NOTCH2NLB: variants seen among roughly 807,000 people sequenced by gnomAD.
The protein encoded by NOTCH2NLB is notch homolog 2 N-terminal-like protein B.
Under a neutral mutation model 14.8 loss-of-function variants are expected in NOTCH2NLB, and 1 was observed. The observed-to-expected ratio is 0.07, with a 90% CI of 0.02 to 0.32. NOTCH2NLB has a LOEUF of 0.32. Ranked by LOEUF, NOTCH2NLB falls within the 10% of genes least tolerant of loss-of-function variation. The pLI is 1.00. For missense variants in NOTCH2NLB, 11 were observed against 155.0 expected, an observed-to-expected ratio of 0.07 and a Z score of 4.93; for synonymous variants, 6 against 57.5, an observed-to-expected ratio of 0.10 and a Z score of 4.05.
chr1:148,602,268 AAAAAAAAAAAAAGAAAAG>A (rs1663389829), downstream of NOTCH2NLB, among the ~76,000 whole-genome samples: 1 of 66,368 alleles, frequency 1.5e-5, no homozygotes, highest in Non-Finnish European at 2.5e-5. Flanking sequence ...TCAAAAAAAA[AAAAAAAAAAAAAGAAAAG>A]AAAAGAAAAT....
chr1:148,673,445 T>C (rs1182500396), intron 1 of NOTCH2NLB, among the ~76,000 whole-genome samples: 1 of 71,170 alleles, frequency 1.4e-5, no homozygotes, highest in African/African-American at 4.7e-5. Flanking sequence ...TATGTGTTCA[T>C]GAGCTAATGA....
intron 3 of NOTCH2NLB, among the ~76,000 whole-genome samples, chr1:148,608,118 G>C: frequency 7.4e-6 from 1 of 136,012 alleles, no homozygotes. Flanking sequence ...GCCAGGAGCA[G>C]TGGCTCACAC....
At chr1:148,647,800 AG>A in intron 1 of NOTCH2NLB, among the ~76,000 whole-genome samples, 1 of 31,966 alleles carries the variant, frequency 3.1e-5, no homozygotes. Flanking sequence ...AAAAGCAATA[AG>A]AGATAAATCG....
At chr1:148,680,998 T>C (rs1361459487), upstream of NOTCH2NLB, among the ~76,000 whole-genome samples, 3 of 152,092 alleles carry the variant, frequency 2.0e-5, no homozygotes, top group East Asian at 5.8e-4. Context: ...CTGTCTCTGT[T>C]AGCAGTGAGA....
chr1:148,673,967 TAA>T, intron 1 of NOTCH2NLB, among the ~76,000 whole-genome samples: 1 of 88,880 alleles, frequency 1.1e-5, no homozygotes, highest in Admixed American at 1.1e-4. Flanking sequence ...ATTCTTATCA[TAA>T]GAGAGGTTAG....
intron 3 of NOTCH2NLB, among the ~76,000 whole-genome samples, chr1:148,610,229 AG>A (rs1663641206): frequency 1.6e-5 from 2 of 127,740 alleles, no homozygotes; most frequent in African/African-American, 6.5e-5. Context: ...TGGAGGTTGC[AG>A]TGAGCCGAGA....
the NOTCH2NLB span, among the ~76,000 whole-genome samples, chr1:148,689,564 G>GT: frequency 6.7e-5 from 10 of 148,158 alleles, no homozygotes; most frequent in Non-Finnish European, 1.1e-4. Flanking sequence ...GATTACAGGC[G>GT]TGAGCCACCA....
At chr1:148,670,475 C>A (rs1186000737) in intron 1 of NOTCH2NLB, among the ~76,000 whole-genome samples, 2 of 136,244 alleles carry the variant, frequency 1.5e-5, no homozygotes, top group East Asian at 4.4e-4. Flanking sequence ...CTAGTGTTGA[C>A]AATAGTATAT....
chr1:148,679,595 G>T, exon 1 of NOTCH2NLB: 1 of 1,087,706 alleles, frequency 9.2e-7, no homozygotes, highest in Admixed American at 4.3e-5. Flanking sequence ...AGGGGGTCCC[G>T]ATAGAGGAGC....
At chr1:148,693,088 G>GCCCC in the NOTCH2NLB span, among the ~76,000 whole-genome samples, 3 of 63,972 alleles carry the variant, frequency 4.7e-5, no homozygotes, top group Non-Finnish European at 2.7e-5. Flanking sequence ...GAAGAGAGCC[G>GCCCC]CCCCCCCCCC....
chr1:148,638,105 C>A (rs1404422507), intron 2 of NOTCH2NLB, among the ~76,000 whole-genome samples: 1 of 148,732 alleles, frequency 6.7e-6, no homozygotes, highest in East Asian at 1.9e-4. Context: ...TGGGTATATA[C>A]TCAGTAATGG....
At chr1:148,670,741 TA>T (rs1446166694) in intron 1 of NOTCH2NLB, among the ~76,000 whole-genome samples, 1 of 100,108 alleles carries the variant, frequency 1.0e-5, no homozygotes, top group African/African-American at 3.4e-5. Flanking sequence ...ATTACAAAAA[TA>T]AAAAAATCTT....
At chr1:148,683,544 T>TA (rs1361679357), upstream of NOTCH2NLB, among the ~76,000 whole-genome samples, 1 of 17,502 alleles carries the variant, frequency 5.7e-5, no homozygotes, top group Non-Finnish European at 1.3e-4. Context: ...TCCAAGATGA[T>TA]ATTTAGTGTG....
At chr1:148,621,631 C>CAAA (rs1663875893) in intron 2 of NOTCH2NLB, among the ~76,000 whole-genome samples, 3 of 122,794 alleles carry the variant, frequency 2.4e-5, no homozygotes, top group Admixed American at 2.3e-4. Context: ...TAAATTATGT[C>CAAA]TTAACTTTGA....
At chr1:148,607,498 C>A (rs1663541552) in exon 4 of NOTCH2NLB, 1 of 1,184,176 alleles carries the variant, frequency 8.4e-7, no homozygotes, top group Non-Finnish European at 1.2e-6. Context: ...AGGGCACATA[C>A]AGGCTGTCAC....
At chr1:148,700,915 C>T in the NOTCH2NLB span, among the ~76,000 whole-genome samples, 330 of 72,060 alleles carry the variant, frequency 4.6e-3, 26 homozygotes, top group Non-Finnish European at 7.8e-3. Context: ...ATTGAAATTG[C>T]TTTTGGTATT....
chr1:148,673,656 A>AAAAGAC, intron 1 of NOTCH2NLB, among the ~76,000 whole-genome samples: 1 of 150,196 alleles, frequency 6.7e-6, no homozygotes, highest in East Asian at 2.0e-4. Flanking sequence ...CTTTTAAGAC[A>AAAAGAC]AAACAAACAA....
the NOTCH2NLB span, among the ~76,000 whole-genome samples, chr1:148,687,837 CAA>C: frequency 6.1e-5 from 3 of 49,520 alleles, no homozygotes; most frequent in African/African-American, 2.3e-4. Flanking sequence ...GAGGCTGAGA[CAA>C]GAGGCGAAAA....
At chr1:148,679,490 G>C in exon 1 of NOTCH2NLB, 1 of 1,117,838 alleles carries the variant, frequency 8.9e-7, no homozygotes, top group Non-Finnish European at 1.2e-6. Context: ...AGCACAGCCA[G>C]AGCGCCAGCA....
Sources: allele counts gnomAD v4.1 joint callset (sites outside exome capture counted in the v4.1 genomes callset), GRCh38; gene constraint gnomAD v4.1.1; transcripts MANE v1.5; gene names NCBI Gene and HGNC (gene_info 2026-07-23, HGNC 2026-07-21).